Variants in ARL15 observed in about 807,000 individuals in gnomAD.
ARL15 encodes ARF like GTPase 15.
A neutral mutation model predicts 25.2 loss-of-function variants in ARL15; 19 were observed. The observed-to-expected ratio is 0.75, with a 90% CI of 0.53 to 1.10. The LOEUF (loss-of-function observed/expected upper bound fraction) is 1.10. Among genes scored for constraint, ARL15 ranks in the 50% least tolerant of loss-of-function variants. The pLI, the probability that ARL15 is intolerant of heterozygous loss-of-function variation, is 0.00. For synonymous variants in ARL15, 94 were observed against 86.8 expected (o/e 1.08, Z -0.46); for missense variants, 220 against 246.0 (o/e 0.89, Z 0.71).
chr5:54,219,503 C>T (rs1035024227), intron 1 of ARL15, among the ~76,000 whole-genome samples: 2 of 152,084 alleles, frequency 1.3e-5, no homozygotes, highest in Non-Finnish European at 2.9e-5. Flanking sequence ...AACTAGAAAT[C>T]AAGACAATCA....
rs1330425442 is a variant in ARL15 at position 53,883,943 on chromosome 5, A to T, written c.*2618T>A. 6.6e-6 allele frequency: 1 copy of T among 152,172 alleles called. No homozygotes were observed. Among genetic ancestry groups the T allele is most frequent in the Non-Finnish European group, 1.5e-5 (1 of 68,036 alleles). The allele number at this position is 152,172 out of a possible 1,614,324, so 9.4% of individuals were successfully genotyped here. A position where few individuals can be genotyped will look rare whatever the true frequency, so the allele number is the denominator to read the frequency against. On this transcript the variant is annotated 3_prime_UTR_variant, in exon 5 of 5. Transcript: ENST00000504924. ...TGAAAGGAGTTAGTCTGAAAACACC[A>T]GTTCTACTCAGCGTTTATTTTTCAT...
intron 4 of ARL15, among the ~76,000 whole-genome samples, chr5:53,957,649 C>T (rs1747202927): frequency 6.6e-6 from 1 of 151,734 alleles, no homozygotes; most frequent in Non-Finnish European, 1.5e-5. Context: ...ATGGCAAAAG[C>T]TTGTCTCTAC....
chr5:54,027,812 C>T (rs1037100889), intron 4 of ARL15, among the ~76,000 whole-genome samples: 1 of 152,090 alleles, frequency 6.6e-6, no homozygotes, highest in African/African-American at 2.4e-5. Flanking sequence ...AACAAACTCA[C>T]TCCCTGTATT....
intron 4 of ARL15, among the ~76,000 whole-genome samples, chr5:54,014,328 C>G (rs1749342160): frequency 6.6e-6 from 1 of 152,130 alleles, no homozygotes; most frequent in African/African-American, 2.4e-5. Context: ...TTCTTCTCCT[C>G]CCTGTTATCT....
intron 3 of ARL15, among the ~76,000 whole-genome samples, chr5:54,140,461 T>TGG (rs1554043187): frequency 8.1e-6 from 1 of 123,480 alleles, no homozygotes; most frequent in East Asian, 2.4e-4. Flanking sequence ...GATAGATAGA[T>TGG]AGATAGAGAT....
chr5:54,172,021 G>C (rs1754733941), intron 1 of ARL15, 93 bp from the exon 2 acceptor site: 2 of 1,441,020 alleles, frequency 1.4e-6, no homozygotes, highest in Non-Finnish European at 9.4e-7. Context: ...GTATTAAGAG[G>C]TAATTGAATA....
At chr5:54,201,897 T>A (rs1422209979) in intron 1 of ARL15, among the ~76,000 whole-genome samples, 10 of 152,210 alleles carry the variant, frequency 6.6e-5, no homozygotes, top group Admixed American at 4.6e-4. Context: ...AAGTCAGAAA[T>A]TTAAAATTAT....
At chr5:54,279,079 ACTCAG>A (rs1453524043) in intron 1 of ARL15, among the ~76,000 whole-genome samples, 5 of 152,180 alleles carry the variant, frequency 3.3e-5, no homozygotes, top group Non-Finnish European at 7.3e-5. Context: ...AAAAAAAACA[ACTCAG>A]CTCAACAATC....
At chr5:54,305,470 AT>A (rs1260485682) in intron 1 of ARL15, among the ~76,000 whole-genome samples, 1 of 152,148 alleles carries the variant, frequency 6.6e-6, no homozygotes, top group African/African-American at 2.4e-5. Context: ...CAAAAAAAAA[AT>A]AAATAAATAA....
At chr5:54,102,505 A>G (rs1428340003) in intron 4 of ARL15, among the ~76,000 whole-genome samples, 1 of 152,164 alleles carries the variant, frequency 6.6e-6, no homozygotes, top group East Asian at 1.9e-4. Context: ...TTTTGTGCAT[A>G]TACATTGTAC....
Position 54,263,001 on chromosome 5 carries a change from G to A in ARL15, c.48+47431C>T, listed in dbSNP as rs182969792. On this transcript the variant is annotated intron_variant, in intron 1 of 4. Transcript: ENST00000504924. ...CAGGTTGAATTCATTTGGATGGGGTGGGAAAGTAGGATAACAATATGGCAA... is the reference window on the plus strand; with the variant it reads ...CAGGTTGAATTCATTTGGATGGGGTAGGAAAGTAGGATAACAATATGGCAA... 3.3e-5 allele frequency among the ~76,000 whole-genome samples: 5 copies of A among 152,252 alleles called. No homozygotes were observed. The East Asian group carries it at 5.8e-4, about 18-fold the overall frequency.
chr5:53,919,566 AG>A (rs1305536291), intron 4 of ARL15, among the ~76,000 whole-genome samples: 16 of 152,196 alleles, frequency 1.1e-4, no homozygotes, highest in African/African-American at 3.9e-4. Context: ...AGGATGGGAA[AG>A]GAAAAAAAGG....
At chr5:54,109,512 T>C (rs551288405) in intron 4 of ARL15, among the ~76,000 whole-genome samples, 6 of 151,864 alleles carry the variant, frequency 4.0e-5, no homozygotes, top group Non-Finnish European at 7.4e-5. Context: ...TCAGCAACTG[T>C]GTAGAAGGAA....
chr5:54,266,882 C>G (rs1757638248), intron 1 of ARL15, among the ~76,000 whole-genome samples: 1 of 152,196 alleles, frequency 6.6e-6, no homozygotes, highest in Admixed American at 6.5e-5. Context: ...CATCACATTA[C>G]TAACAATAAA....
intron 3 of ARL15, among the ~76,000 whole-genome samples, chr5:54,151,279 T>C (rs1754062318): frequency 6.6e-6 from 1 of 152,112 alleles, no homozygotes; most frequent in African/African-American, 2.4e-5. Flanking sequence ...AAAATAGAAA[T>C]GGCCCACCAA....
chr5:54,035,176 C>T (rs1452966114), intron 4 of ARL15, among the ~76,000 whole-genome samples: 1 of 152,112 alleles, frequency 6.6e-6, no homozygotes, highest in Non-Finnish European at 1.5e-5. Flanking sequence ...TCATATTCCT[C>T]AGTTATCAGC....
At chr5:54,272,515 T>A (rs1046604702) in intron 1 of ARL15, among the ~76,000 whole-genome samples, 1 of 152,014 alleles carries the variant, frequency 6.6e-6, no homozygotes, top group Non-Finnish European at 1.5e-5. Context: ...TTGGTGAAAA[T>A]CAAGGGTCAC....
At chr5:54,242,394 G>A (rs1171247222) in intron 1 of ARL15, among the ~76,000 whole-genome samples, 1 of 152,152 alleles carries the variant, frequency 6.6e-6, no homozygotes, top group Non-Finnish European at 1.5e-5. Context: ...CTCAGTCCAC[G>A]TGATTTGGGC....
intron 3 of ARL15, among the ~76,000 whole-genome samples, chr5:54,120,219 A>T (rs1363755681): frequency 6.6e-6 from 1 of 152,212 alleles, no homozygotes; most frequent in Non-Finnish European, 1.5e-5. Flanking sequence ...GAGTAAAGTT[A>T]TTAGCAACTA....
Sources: gnomAD v4.1 joint callset for allele counts (sites outside exome capture counted in the v4.1 genomes callset) on GRCh38, gnomAD v4.1.1 for gene constraint, MANE v1.5 for transcripts, NCBI Gene and HGNC (gene_info 2026-07-23, HGNC 2026-07-21) for gene names.